Variants in FOXN1 observed in about 807,000 individuals in gnomAD.
FOXN1 encodes forkhead box protein N1.
FOXN1 carries 15 observed loss-of-function variants against 49.0 expected under a neutral mutation model. That is an observed-to-expected ratio of 0.31 (90% CI 0.20 to 0.47). The LOEUF (loss-of-function observed/expected upper bound fraction) is 0.47. FOXN1 is among the 20% of genes least tolerant of loss of function. FOXN1 has a pLI of 1.00. For synonymous variants in FOXN1, 356 were observed against 369.0 expected (o/e 0.96, Z 0.40); for missense variants, 800 against 842.8 (o/e 0.95, Z 0.63).
intron 1 of FOXN1, among the ~76,000 whole-genome samples, chr17:28,523,437 A>G (rs1385119979): frequency 1.3e-5 from 2 of 152,174 alleles, no homozygotes; most frequent in Non-Finnish European, 2.9e-5. Flanking sequence ...GGGCTGGCTC[A>G]CCTGCATGGA....
chr17:28,517,972 C>A (rs1387471170), intron 1 of FOXN1, among the ~76,000 whole-genome samples: 1 of 149,954 alleles, frequency 6.7e-6, no homozygotes, highest in Non-Finnish European at 1.5e-5. Context: ...AGGGTACATG[C>A]CTCCACTGGG....
chr17:28,510,584 A>G (rs782621204), intron 1 of FOXN1, among the ~76,000 whole-genome samples: 20,634 of 85,222 alleles, frequency 0.24, 1,715 homozygotes, highest in Admixed American at 0.37. Context: ...ACACACGCAC[A>G]CACACACACA....
chr17:28,536,289 C>T (rs1472277385), intron 8 of FOXN1, among the ~76,000 whole-genome samples: 2 of 152,216 alleles, frequency 1.3e-5, no homozygotes, highest in Non-Finnish European at 2.9e-5. Context: ...TCAGAGGAAG[C>T]TATAGACATG....
At position 28,516,206 on chromosome 17, in the gene FOXN1, C is replaced by A. The variant is rs911975044; in HGVS notation, c.-14-7750C>A. On this transcript the variant is annotated intron_variant, in intron 1 of 8. Transcript: ENST00000579795. ...CACCTCCACAGGGTACACACCTCCA[C>A]AGGATCCATAGCTCCAAAGGGTACA... 2.6e-5 allele frequency among the ~76,000 whole-genome samples: 4 copies of A among 151,776 alleles called. No homozygotes were observed. In the East Asian group the frequency reaches 7.7e-4, roughly 29 times the overall value.
rs1431639905 is a variant in FOXN1 at position 28,516,722 on chromosome 17, C to A, written c.-14-7234C>A. On this transcript the variant is annotated intron_variant, in intron 1 of 8. Transcript: ENST00000579795. ...CACAGAATACATACCTCCACAGGAT[C>A]CACACCTCCACAGGGTACACACTTC... 5.0e-5 allele frequency among the ~76,000 whole-genome samples: 7 copies of A among 140,034 alleles called. No individual in the cohort carries two copies. In the East Asian group the frequency reaches 6.7e-4, roughly 13 times the overall value. The allele number at this position is 140,034 out of a possible 152,430, so 91.9% of individuals were successfully genotyped here.
chr17:28,511,775 G>A (rs931671671), intron 1 of FOXN1, among the ~76,000 whole-genome samples: 2 of 151,956 alleles, frequency 1.3e-5, no homozygotes, highest in African/African-American at 4.8e-5. Flanking sequence ...GTCCTTGGTC[G>A]GGAGGACTCA....
rs200558752 is a variant in FOXN1, at chr17:28,530,011, CT to C, written c.831-735del. Among the ~76,000 whole-genome samples the C allele has an allele frequency of 5.4e-3, 734 of 135,830 alleles. 3 individuals are homozygous for C. The highest frequency in any genetic ancestry group is 0.014 in the Admixed American group (174 of 12,868). The allele number at this position is 135,830 out of a possible 152,430, so 89.1% of individuals were successfully genotyped here. ...TCTCTCTGAGCCTCTATTTATTCCTCTTTAAAAAAAAAAAAAAATGTCAGGG... is the reference window on the plus strand; with the variant it reads ...TCTCTCTGAGCCTCTATTTATTCCTCTTAAAAAAAAAAAAAAATGTCAGGG... On this transcript the variant is annotated intron_variant, in intron 5 of 8. Transcript: ENST00000579795.
chr17:28,534,331 AC>A lies in FOXN1; in HGVS notation c.929del (p.Thr310LysfsTer240). ...FMTEHFPYFK[T>X]APDGWKNSVR... Reference sequence around the variant, plus strand: ...TGCTTGTCTTGCTCTGTTCCGGCAGACAGCACCCGATGGCTGGAAGAATTCT... The same window carrying A: ...TGCTTGTCTTGCTCTGTTCCGGCAGAAGCACCCGATGGCTGGAAGAATTCT... On this transcript the variant is annotated frameshift_variant and splice_region_variant, in exon 7 of 9. Transcript: ENST00000579795. LOFTEE classifies it high-confidence loss of function. This position sits in a 1 kb window ranked among gnomAD's most constrained non-coding sequence, Gnocchi z 4.1. 1 of 1,614,166 alleles carries A rather than the reference AC, an allele frequency of 6.2e-7. No individual in the cohort carries two copies. Among genetic ancestry groups the A allele is most frequent in the Non-Finnish European group, 8.5e-7 (1 of 1,180,008 alleles).
At chr17:28,510,580 GCACA>G (rs5819850) in intron 1 of FOXN1, among the ~76,000 whole-genome samples, 10,156 of 137,974 alleles carry the variant, frequency 0.074, 687 homozygotes, top group African/African-American at 0.18. Context: ...GCACACACAC[GCACA>G]CACACACACA....
At chr17:28,526,821 A>G (rs890376303) in intron 3 of FOXN1, among the ~76,000 whole-genome samples, 17 of 152,112 alleles carry the variant, frequency 1.1e-4, no homozygotes, top group African/African-American at 2.9e-4. Context: ...TCCCCTCACC[A>G]TGGATCCTCA....
intron 1 of FOXN1, among the ~76,000 whole-genome samples, chr17:28,522,895 A>G (rs2069669345): frequency 6.6e-6 from 1 of 151,706 alleles, no homozygotes; most frequent in Admixed American, 6.6e-5. Flanking sequence ...GAGAACTGGC[A>G]TTTATGGGGC....
chr17:28,530,687 C>T (rs2069890208), intron 5 of FOXN1, 62 bp from the exon 6 acceptor site: 4 of 904,756 alleles, frequency 4.4e-6, no homozygotes, highest in Non-Finnish European at 5.6e-6. Context: ...GGGTGGGGGG[C>T]TTGGGGTGGG....
chr17:28,524,204 C>A, intron 2 of FOXN1, 112 bp downstream of exon 2: 1 of 1,142,464 alleles, frequency 8.8e-7, no homozygotes, highest in Non-Finnish European at 1.2e-6. Flanking sequence ...CTGTCTTGTC[C>A]CCTCCACCAG....
chr17:28,531,145 C>G (rs1284042486), intron 6 of FOXN1, among the ~76,000 whole-genome samples: 1 of 152,222 alleles, frequency 6.6e-6, no homozygotes, highest in East Asian at 1.9e-4. Flanking sequence ...GGAGCATCCA[C>G]CTACCCCAAG....
At chr17:28,536,558 C>A (rs2070068886) in intron 8 of FOXN1, among the ~76,000 whole-genome samples, 2 of 152,082 alleles carry the variant, frequency 1.3e-5, no homozygotes, top group African/African-American at 4.8e-5. Context: ...CCTGGATACC[C>A]AGTGCAGGAG....
chr17:28,516,395 G>A (rs1226354899), intron 1 of FOXN1, among the ~76,000 whole-genome samples: 7 of 151,370 alleles, frequency 4.6e-5, no homozygotes, highest in African/African-American at 1.7e-4. Flanking sequence ...CACCTCCACA[G>A]GATCCATACC....
intron 1 of FOXN1, among the ~76,000 whole-genome samples, chr17:28,510,103 C>T (rs1312454383): frequency 1.3e-5 from 2 of 152,144 alleles, no homozygotes; most frequent in African/African-American, 2.4e-5. Context: ...ATCCTCCCAT[C>T]CCCTTCCAGA....
intron 3 of FOXN1, 143 bp from the exon 4 acceptor site, chr17:28,527,108 C>A: frequency 1.4e-6 from 1 of 706,790 alleles, no homozygotes; most frequent in Non-Finnish European, 2.6e-6. Flanking sequence ...AAAATCTCTG[C>A]CCTTCTCTGT....
intron 1 of FOXN1, among the ~76,000 whole-genome samples, chr17:28,521,637 G>A (rs914674167): frequency 2.6e-5 from 4 of 152,236 alleles, no homozygotes; most frequent in African/African-American, 9.6e-5. Flanking sequence ...CATCAAGAAG[G>A]GGTGGTGGGG....
Sources: gnomAD v4.1 joint callset for allele counts (sites outside exome capture counted in the v4.1 genomes callset) on GRCh38, gnomAD v4.1.1 for gene constraint, Gnocchi (gnomAD v3.1) non-coding constraint, MANE v1.5 for transcripts, NCBI Gene and HGNC (gene_info 2026-07-23, HGNC 2026-07-21) for gene names.